Variants in EPYC observed in about 807,000 individuals in gnomAD.
EPYC encodes the protein dermatan sulfate proteoglycan 3.
Under a neutral mutation model 30.1 loss-of-function variants are expected in EPYC, and 28 were observed. The observed-to-expected ratio is 0.93, with a 90% CI of 0.69 to 1.28. The LOEUF (loss-of-function observed/expected upper bound fraction) is 1.28, where lower values mean the gene tolerates loss of function less well. Among genes scored for constraint, EPYC ranks in the 50% most tolerant of loss-of-function variants. EPYC has a pLI of 0.00. For missense variants in EPYC, 382 were observed against 383.5 expected, an observed-to-expected ratio of 1.00 and a Z score of 0.03; for synonymous variants, 144 against 141.4, an observed-to-expected ratio of 1.02 and a Z score of -0.13.
intron 2 of EPYC, among the ~76,000 whole-genome samples, chr12:91,001,258 A>C (rs1592633198): frequency 6.6e-6 from 1 of 152,142 alleles, no homozygotes; most frequent in Non-Finnish European, 1.5e-5. Flanking sequence ...GTATCTTCTT[A>C]GTAAAGATAT....
intron 6 of EPYC, among the ~76,000 whole-genome samples, chr12:90,967,502 G>A (rs1592621282): frequency 6.6e-6 from 1 of 152,106 alleles, no homozygotes; most frequent in South Asian, 2.1e-4. Flanking sequence ...ACTAATACTT[G>A]TTTTGTGGCC....
chr12:90,990,063 G>T (rs978909275), intron 2 of EPYC, among the ~76,000 whole-genome samples: 2 of 152,010 alleles, frequency 1.3e-5, no homozygotes, highest in Admixed American at 1.3e-4. Flanking sequence ...AATCTCATGA[G>T]GATGGGAGGA....
intron 3 of EPYC, among the ~76,000 whole-genome samples, chr12:90,975,300 T>TTA (rs1281557230): frequency 6.6e-6 from 1 of 152,032 alleles, no homozygotes; most frequent in Admixed American, 6.6e-5. Context: ...TTAGGGTAAT[T>TTA]TATATATATT....
Position 90,972,882 on chromosome 12 carries a change from A to G in EPYC, c.439T>C (p.Tyr147His), listed in dbSNP as rs1377672167. Reference sequence around the variant, plus strand: ...ATTCTGTTAAAGCGGGAATAGAAATAAGCGGTGTTCTTTGGCAGCGGAGGA... The same window carrying G: ...ATTCTGTTAAAGCGGGAATAGAAATGAGCGGTGTTCTTTGGCAGCGGAGGA... ...AIPPLPKNTA[Y>H]FYSRFNRIKK... is the part of the protein sequence containing the mutation. Residue 147 changes from tyrosine (Y) to histidine (H), a missense_variant, in exon 4 of 7, where the codon TAT (tyrosine) becomes CAT (histidine). Coordinates refer to ENST00000261172, the MANE Select transcript of EPYC (RefSeq NM_004950.5). 1.2e-6 allele frequency: 2 copies of G among 1,613,710 alleles called. No homozygotes were observed. The highest frequency in any genetic ancestry group is 2.7e-5 in the African/African-American group (2 of 74,928).
Position 91,002,432 on chromosome 12 carries a change from T to G in EPYC, c.134A>C (p.Asn45Thr). The G allele has an allele frequency of 1.2e-6, 2 of 1,612,988 alleles. No homozygotes were observed. The highest frequency in any genetic ancestry group is 1.7e-6 in the Non-Finnish European group (2 of 1,179,452). The change falls in exon 2 of 7, where the codon AAC becomes ACC. Residue 45 changes from asparagine to threonine, a missense_variant. Physicochemically the swap from Asn to Thr is moderately conservative, Grantham distance 65. Transcript: ENST00000261172. ...ATLEDLDNLY[N>T]YENIPVDKVE... ...TTTATCAACAGGTATGTTTTCATAG[T>G]TGTACAAATTATCCAGGTCTTCTAA...
At chr12:90,998,925 T>C (rs1236512922) in intron 2 of EPYC, among the ~76,000 whole-genome samples, 4 of 152,054 alleles carry the variant, frequency 2.6e-5, no homozygotes, top group Non-Finnish European at 5.9e-5. Flanking sequence ...GAGGACCACA[T>C]ATGCTTACTG....
rs185718417 is a variant in EPYC at position 90,983,850 on chromosome 12, A to G, written c.166-5588T>C. Among the ~76,000 whole-genome samples the G allele has an allele frequency of 2.0e-5, 3 of 152,226 alleles. No individual in the cohort carries two copies. The East Asian group carries it at 5.8e-4, about 29-fold the overall frequency. Reference sequence around the variant, plus strand: ...TGGGACTCTGTTCCTTTCTTTAGGCACCCAGGCTCACCAATCAGAAAAACA... The same window carrying G: ...TGGGACTCTGTTCCTTTCTTTAGGCGCCCAGGCTCACCAATCAGAAAAACA... On this transcript the variant is annotated intron_variant, in intron 2 of 6. Transcript: ENST00000261172.
At position 90,971,859 on chromosome 12, in the gene EPYC, AT is replaced by A; in HGVS notation, c.642del (p.Phe215LeufsTer14). On this transcript the variant is annotated frameshift_variant, in exon 5 of 7. Transcript: ENST00000261172. LOFTEE classifies it high-confidence loss of function. ...RQLPELPTTL[T>X]FIDISNNRLG... ...AGTCTATTGTTGCTAATATCAATAA[AT>A]GTCAAAGTGGTTGGCAATTCTGGGA... The A allele has an allele frequency of 6.2e-7, 1 of 1,612,630 alleles. No homozygotes were observed. The highest frequency in any genetic ancestry group is 8.5e-7 in the Non-Finnish European group (1 of 1,179,434).
At chr12:90,969,032 A>G (rs1308130719) in intron 6 of EPYC, among the ~76,000 whole-genome samples, 1 of 151,116 alleles carries the variant, frequency 6.6e-6, no homozygotes, top group Non-Finnish European at 1.5e-5. Flanking sequence ...GTGTATATAC[A>G]TATATGTATA....
chr12:90,980,546 G>T (rs576068943), intron 2 of EPYC, among the ~76,000 whole-genome samples: 2 of 151,988 alleles, frequency 1.3e-5, no homozygotes, highest in African/African-American at 4.8e-5. Flanking sequence ...AACCATCTTC[G>T]TACTGTGATA....
intron 3 of EPYC, among the ~76,000 whole-genome samples, chr12:90,974,567 G>A (rs564797538): frequency 1.3e-5 from 2 of 152,160 alleles, no homozygotes; most frequent in East Asian, 1.9e-4. Context: ...AATATAAAAA[G>A]GATCATGAGA....
chr12:90,986,816 G>T (rs777573382), intron 2 of EPYC, among the ~76,000 whole-genome samples: 7 of 152,284 alleles, frequency 4.6e-5, no homozygotes, highest in Middle Eastern at 3.4e-3. Context: ...ATTTGGGATT[G>T]CTTGTTACAC....
chr12:90,972,060 A>T (rs1375885178), intron 4 of EPYC, 58 bp from the exon 5 acceptor site: 10 of 1,057,516 alleles, frequency 9.5e-6, no homozygotes, highest in African/African-American at 1.6e-5. Flanking sequence ...ACATAAAAAT[A>T]TAAATGTAAT....
intron 3 of EPYC, among the ~76,000 whole-genome samples, chr12:90,977,714 C>A (rs752761843): frequency 1.4e-4 from 22 of 152,066 alleles, no homozygotes; most frequent in Non-Finnish European, 2.5e-4. Flanking sequence ...ATTACTATTA[C>A]CATCATCTTC....
intron 2 of EPYC, among the ~76,000 whole-genome samples, chr12:90,983,103 C>G (rs571470459): frequency 2.0e-5 from 3 of 152,088 alleles, no homozygotes; most frequent in Non-Finnish European, 2.9e-5. Context: ...ACATTCCCAA[C>G]AAAGTATGCA....
intron 6 of EPYC, 65 bp from the exon 7 acceptor site, chr12:90,964,391 G>T: frequency 1.6e-6 from 2 of 1,246,232 alleles, no homozygotes; most frequent in Non-Finnish European, 2.3e-6. Flanking sequence ...TGATAGCGCA[G>T]TCCACTGTGC....
chr12:90,974,869 A>G (rs557516765), intron 3 of EPYC, among the ~76,000 whole-genome samples: 3 of 152,282 alleles, frequency 2.0e-5, no homozygotes, highest in Admixed American at 2.0e-4. Flanking sequence ...TCTCTATGAC[A>G]TAAACTAGAA....
At position 90,987,914 on chromosome 12, in the gene EPYC, G is replaced by A. The variant is rs542148845; in HGVS notation, c.166-9652C>T. On this transcript the variant is annotated intron_variant, in intron 2 of 6. Coordinates refer to ENST00000261172, the MANE Select transcript of EPYC (RefSeq NM_004950.5). ...TCTTTCTCTATAGCCTCTTTATCTC[G>A]GTCACACTCCTTACAATTTTGACTG... is the stretch of plus-strand genomic sequence containing the variant. Among the ~76,000 whole-genome samples, 28 of 152,012 alleles carry A rather than the reference G, an allele frequency of 1.8e-4. No individual in the cohort carries two copies. In the South Asian group the frequency reaches 3.5e-3, roughly 19 times the overall value.
At chr12:90,995,661 T>C (rs1237767880) in intron 2 of EPYC, among the ~76,000 whole-genome samples, 1 of 151,842 alleles carries the variant, frequency 6.6e-6, no homozygotes, top group Non-Finnish European at 1.5e-5. Context: ...GTCTCATAAA[T>C]AATATATAAT....
Sources: allele counts gnomAD v4.1 joint callset (sites outside exome capture counted in the v4.1 genomes callset), GRCh38; gene constraint gnomAD v4.1.1; transcripts MANE v1.5; gene names NCBI Gene and HGNC (gene_info 2026-07-23, HGNC 2026-07-21).